BHLHA15: variants seen among roughly 807,000 people sequenced by gnomAD.
BHLHA15 encodes class A basic helix-loop-helix protein 15.
A neutral mutation model predicts 10.4 loss-of-function variants in BHLHA15; 7 were observed. The ratio of observed to expected loss-of-function variants is 0.67; its 90% CI spans 0.38 to 1.26. The LOEUF (loss-of-function observed/expected upper bound fraction) is 1.26. Among genes scored for constraint, BHLHA15 ranks in the 50% most tolerant of loss-of-function variants. The pLI, the probability that BHLHA15 is intolerant of heterozygous loss-of-function variation, is 0.02. For missense variants in BHLHA15, 289 were observed against 287.4 expected (o/e 1.01, Z -0.04); for synonymous variants, 140 against 131.5 (o/e 1.06, Z -0.44).
In BHLHA15 at chr7:98,212,333, A is replaced by G. The variant is rs908111241; in HGVS notation, c.24A>G (p.Pro8=). 1.2e-5 allele frequency: 16 copies of G among 1,375,690 alleles called. No homozygotes were observed. Among genetic ancestry groups the G allele is most frequent in the African/African-American group, 4.6e-5 (3 of 65,808 alleles). The allele number at this position is 1,375,690 out of a possible 1,614,324, so 85.2% of individuals were successfully genotyped here. MKTKNRP[P]RRRAPVQDTE... is the part of the protein sequence containing the mutation. ...CCATGAAGACCAAGAACCGGCCCCC[A>G]CGGCGCCGGGCCCCGGTGCAGGACA... Residue 8 remains proline (P), a synonymous_variant, in exon 2 of 2, where the codon CCA becomes CCG. Transcript: ENST00000609256.
rs1227016000 is a variant in BHLHA15 at position 98,215,146 on chromosome 7, C to T, written c.*2267C>T. The T allele has an allele frequency of 6.6e-6, 1 of 152,282 alleles. No individual in the cohort carries two copies. The highest frequency in any genetic ancestry group is 6.5e-5 in the Admixed American group (1 of 15,294). 9.4% of individuals were successfully genotyped at this position (152,282 alleles called of 1,614,324 possible). On this transcript the variant is annotated 3_prime_UTR_variant, in exon 2 of 2. Coordinates refer to ENST00000609256, the MANE Select transcript of BHLHA15 (RefSeq NM_177455.4). ...TCAGAGACCCACCCACATGCCGTTC[C>T]TGGGCTACGCCACGCGCCATCCCCC...
chr7:98,212,143 C>T, intron 1 of BHLHA15, 113 bp from the exon 2 acceptor site: 1 of 572,180 alleles, frequency 1.7e-6, no homozygotes, highest in Non-Finnish European at 2.7e-6. Flanking sequence ...AGCGCCAACC[C>T]CTGCCCCTGG....
In BHLHA15 at chr7:98,213,518, TC is replaced by T. The variant is rs1027039970; in HGVS notation, c.*642del. 6.6e-6 allele frequency among the ~76,000 whole-genome samples: 1 copy of T among 152,220 alleles called. No homozygotes were observed. The highest frequency in any genetic ancestry group is 1.5e-5 in the Non-Finnish European group (1 of 68,020). On this transcript the variant is annotated 3_prime_UTR_variant, in exon 2 of 2. Coordinates refer to ENST00000609256, the MANE Select transcript of BHLHA15 (RefSeq NM_177455.4). The stretch of plus-strand genomic sequence containing the variant: ...GGGGCTGGAGTCTCTTCCTCCCTCC[TC>T]CCAAGTTGGGGCTCCTGGATGTGTT...
In BHLHA15 at chr7:98,212,334, C is replaced by A; in HGVS notation, c.25C>A (p.Arg9=). Residue 9 remains arginine, a synonymous_variant, in exon 2 of 2, where the codon CGG becomes AGG. Transcript: ENST00000609256. Reference sequence around the variant, plus strand: ...CATGAAGACCAAGAACCGGCCCCCACGGCGCCGGGCCCCGGTGCAGGACAC... The same window carrying A: ...CATGAAGACCAAGAACCGGCCCCCAAGGCGCCGGGCCCCGGTGCAGGACAC... MKTKNRPP[R]RRAPVQDTEA... is the part of the protein sequence containing the mutation. The A allele has an allele frequency of 7.3e-7, 1 of 1,376,320 alleles. No individual in the cohort carries two copies. The highest frequency in any genetic ancestry group is 2.9e-5 in the East Asian group (1 of 34,036). The allele number at this position is 1,376,320 out of a possible 1,614,324, so 85.3% of individuals were successfully genotyped here.
chr7:98,212,725 TC>T lies in BHLHA15; in HGVS notation c.419del (p.Pro140GlnfsTer83). 1 of 1,560,450 alleles carries T rather than the reference TC, an allele frequency of 6.4e-7. No individual in the cohort carries two copies. The highest frequency in any genetic ancestry group is 8.7e-7 in the Non-Finnish European group (1 of 1,152,822). On this transcript the variant is annotated frameshift_variant, in exon 2 of 2. Coordinates refer to ENST00000609256, the MANE Select transcript of BHLHA15 (RefSeq NM_177455.4). LOFTEE classifies it high-confidence loss of function. The part of the protein sequence containing the change: ...ATILTMSSSR[L>X]PGLEGPGPKL... ...ATCCTGACCATGTCCAGCAGCCGCCTCCCAGGCCTGGAGGGGCCGGGCCCCA... is the reference window on the plus strand; with the variant it reads ...ATCCTGACCATGTCCAGCAGCCGCCTCCAGGCCTGGAGGGGCCGGGCCCCA...
chr7:98,211,730 C>G (rs1296672680), intron 1 of BHLHA15, among the ~76,000 whole-genome samples: 1 of 136,118 alleles, frequency 7.3e-6, no homozygotes, highest in Non-Finnish European at 1.5e-5. Flanking sequence ...CGCAGCGGTT[C>G]TGGCCCCAGT....
At position 98,212,621 on chromosome 7, in the gene BHLHA15, C is replaced by T. The variant is rs756890658; in HGVS notation, c.312C>T (p.His104=). The T allele has an allele frequency of 5.0e-6, 8 of 1,606,636 alleles. No homozygotes were observed. The highest frequency in any genetic ancestry group is 3.4e-5 in the Admixed American group (2 of 59,000). The change falls in exon 2 of 2, where the codon CAC becomes CAT. Residue 104 remains histidine (H), a synonymous_variant. Transcript: ENST00000609256. ...AGGCCCTGCGTGAAGTCATCCCCCACGTGCGCGCGGACAAGAAGCTCTCCA... is the reference window on the plus strand; with the variant it reads ...AGGCCCTGCGTGAAGTCATCCCCCATGTGCGCGCGGACAAGAAGCTCTCCA... ...AFQALREVIP[H]VRADKKLSKI...
At chr7:98,211,872 G>A (rs1021763184) in intron 1 of BHLHA15, among the ~76,000 whole-genome samples, 5 of 152,144 alleles carry the variant, frequency 3.3e-5, no homozygotes, top group East Asian at 1.9e-4. Flanking sequence ...TGCCGCCTCC[G>A]GCAGAGGCGC....
Position 98,214,499 on chromosome 7 carries a change from CAG to C in BHLHA15, c.*1627_*1628del, listed in dbSNP as rs1562929283. The C allele has an allele frequency of 6.6e-6, 1 of 152,340 alleles. No individual in the cohort carries two copies. Among genetic ancestry groups the C allele is most frequent in the Non-Finnish European group, 1.5e-5 (1 of 68,128 alleles). The allele number at this position is 152,340 out of a possible 1,614,324, so 9.4% of individuals were successfully genotyped here. A position where few individuals can be genotyped will look rare whatever the true frequency, so the allele number is the denominator to read the frequency against. On this transcript the variant is annotated 3_prime_UTR_variant, in exon 2 of 2. Coordinates refer to ENST00000609256, the MANE Select transcript of BHLHA15 (RefSeq NM_177455.4). The stretch of plus-strand genomic sequence containing the variant: ...GTTGGATGCAGCTGGGAGCTTGGGA[CAG>C]AGAGAGCCCAGGGCTCCCCTGCTGT...
Position 98,214,250 on chromosome 7 carries a change from G to A in BHLHA15, c.*1371G>A, listed in dbSNP as rs1025416365. Among the ~76,000 whole-genome samples, 1 of 152,234 alleles carries A rather than the reference G, an allele frequency of 6.6e-6. No homozygotes were observed. ...ACACAGGTAACACCCTGAGGATCTG[G>A]CATTGGCAGCTTCAGGCCTAACTTT... On this transcript the variant is annotated 3_prime_UTR_variant, in exon 2 of 2. Coordinates refer to ENST00000609256, the MANE Select transcript of BHLHA15 (RefSeq NM_177455.4).
At position 98,214,993 on chromosome 7, in the gene BHLHA15, G is replaced by C. The variant is rs557237453; in HGVS notation, c.*2114G>C. 12 of 152,392 alleles carry C rather than the reference G, an allele frequency of 7.9e-5. No individual in the cohort carries two copies. The highest frequency in any genetic ancestry group is 1.8e-4 in the Non-Finnish European group (12 of 68,172). 9.4% of individuals were successfully genotyped at this position (152,392 alleles called of 1,614,324 possible). A position where few individuals can be genotyped will look rare whatever the true frequency, so the allele number is the denominator to read the frequency against. On this transcript the variant is annotated 3_prime_UTR_variant, in exon 2 of 2. Transcript: ENST00000609256. ...GTCCAGTGTTTCGAGGAGGAGAGGGGACAGGGGCCAGGTCCACTCCCTTGG... is the reference window on the plus strand; with the variant it reads ...GTCCAGTGTTTCGAGGAGGAGAGGGCACAGGGGCCAGGTCCACTCCCTTGG...
chr7:98,212,131 A>T, intron 1 of BHLHA15, 125 bp from the exon 2 acceptor site: 1 of 508,764 alleles, frequency 2.0e-6, no homozygotes, highest in Non-Finnish European at 3.2e-6. Flanking sequence ...CTCCAGTCGC[A>T]GAGCGCCAAC....
At position 98,212,354 on chromosome 7, in the gene BHLHA15, G is replaced by A. The variant is rs1312562359; in HGVS notation, c.45G>A (p.Gln15=). 2.1e-6 allele frequency: 3 copies of A among 1,414,020 alleles called. No homozygotes were observed. Among genetic ancestry groups the A allele is most frequent in the Admixed American group, 3.5e-5 (1 of 28,334 alleles). The allele number at this position is 1,414,020 out of a possible 1,614,324, so 87.6% of individuals were successfully genotyped here. The change falls in exon 2 of 2, where the codon CAG becomes CAA. Residue 15 remains glutamine (Q), a synonymous_variant. Transcript: ENST00000609256. ...CCCCACGGCGCCGGGCCCCGGTGCA[G>A]GACACAGAGGCCACCCCCGGGGAGG... ...NRPPRRRAPV[Q]DTEATPGEGT...
At position 98,212,448 on chromosome 7, in the gene BHLHA15, C is replaced by G; in HGVS notation, c.139C>G (p.Arg47Gly). 6.5e-7 allele frequency: 1 copy of G among 1,532,420 alleles called. No homozygotes were observed. Among genetic ancestry groups the G allele is most frequent in the Non-Finnish European group, 8.8e-7 (1 of 1,139,378 alleles). The allele number at this position is 1,532,420 out of a possible 1,614,324, so 94.9% of individuals were successfully genotyped here. Residue 47 changes from arginine (R) to glycine (G), a missense_variant, in exon 2 of 2, where the codon CGG (arginine) becomes GGG (glycine). By Grantham distance (125) the Arg-to-Gly change is moderately radical. Transcript: ENST00000609256. ...PAKGLRSRPA[R>G]AAARAPGEGR... ...CAAGGGTCTGCGGAGCCGGCCGGCC[C>G]GGGCCGCAGCAAGGGCTCCGGGCGA...
chr7:98,211,693 C>A (rs961701907), intron 1 of BHLHA15, among the ~76,000 whole-genome samples, 195 bp downstream of exon 1: 4 of 152,062 alleles, frequency 2.6e-5, no homozygotes, highest in Non-Finnish European at 5.9e-5. Context: ...CATTGCCGAC[C>A]TCTGACCTCC....
At chr7:98,212,189 ACGGCACCCCAGCGGGTC>A (rs1797915387) in intron 1 of BHLHA15, 50 bp from the exon 2 acceptor site, 1 of 953,000 alleles carries the variant, frequency 1.0e-6, no homozygotes, top group Non-Finnish European at 1.4e-6. Flanking sequence ...GCTGCCAGGG[ACGGCACCCCAGCGGGTC>A]CCCTGCCCAT....
At position 98,213,845 on chromosome 7, in the gene BHLHA15, G is replaced by C. The variant is rs953875434; in HGVS notation, c.*966G>C. 3.3e-5 allele frequency among the ~76,000 whole-genome samples: 5 copies of C among 152,218 alleles called. No homozygotes were observed. The highest frequency in any genetic ancestry group is 1.2e-4 in the African/African-American group (5 of 41,458). On this transcript the variant is annotated 3_prime_UTR_variant, in exon 2 of 2. Coordinates refer to ENST00000609256, the MANE Select transcript of BHLHA15 (RefSeq NM_177455.4). The stretch of plus-strand genomic sequence containing the variant: ...TCTGTAGGACATTATGACGTGCTTG[G>C]GTTCTGGTTTGAGTTGGCAGCCCGT...
chr7:98,212,224 G>A, intron 1 of BHLHA15, 32 bp from the exon 2 acceptor site: 1 of 1,240,198 alleles, frequency 8.1e-7, no homozygotes, highest in Non-Finnish European at 1.0e-6. Flanking sequence ...CATGTGGGGT[G>A]ACCACAGAGT....
In BHLHA15 at chr7:98,212,652, G is replaced by C. The variant is rs774688814; in HGVS notation, c.343G>C (p.Glu115Gln). Residue 115 changes from glutamate (E) to glutamine (Q), a missense_variant, in exon 2 of 2, where the codon GAG (glutamate) becomes CAG (glutamine). Glu to Gln is a conservative substitution (Grantham distance 29). Coordinates refer to ENST00000609256, the MANE Select transcript of BHLHA15 (RefSeq NM_177455.4). Reference protein sequence around the residue: ...VRADKKLSKIETLTLAKNYIK... With the variant: ...VRADKKLSKIQTLTLAKNYIK... Reference sequence around the variant, plus strand: ...CGCGGACAAGAAGCTCTCCAAGATCGAGACGCTCACGCTGGCCAAGAACTA... The same window carrying C: ...CGCGGACAAGAAGCTCTCCAAGATCCAGACGCTCACGCTGGCCAAGAACTA... The C allele has an allele frequency of 3.1e-6, 5 of 1,598,702 alleles. No homozygotes were observed. The highest frequency in any genetic ancestry group is 1.1e-5 in the South Asian group (1 of 87,938).
Sources: gnomAD v4.1 joint callset for allele counts (sites outside exome capture counted in the v4.1 genomes callset) on GRCh38, gnomAD v4.1.1 for gene constraint, MANE v1.5 for transcripts, NCBI Gene and HGNC (gene_info 2026-07-23, HGNC 2026-07-21) for gene names.